The following TLN2 variants were observed in gnomAD, a reference collection of about 807,000 sequenced individuals.
TLN2 encodes talin-2.
Under a neutral mutation model 294.7 loss-of-function variants are expected in TLN2, and 118 were observed. That is an observed-to-expected ratio of 0.40 (90% CI 0.34 to 0.47). The LOEUF (loss-of-function observed/expected upper bound fraction) is 0.47, where lower values mean the gene tolerates loss of function less well. Among genes scored for constraint, TLN2 ranks in the 20% least tolerant of loss-of-function variants. TLN2 has a pLI of 0.84. For missense variants in TLN2, 3,083 were observed against 3,282.2 expected (o/e 0.94, Z 1.48); for synonymous variants, 1,431 against 1,304.5 (o/e 1.10, Z -2.09).
chr15:62,597,154 T>C (rs76436616), intron 2 of TLN2, among the ~76,000 whole-genome samples: 10,205 of 152,196 alleles, frequency 0.067, 478 homozygotes, highest in East Asian at 0.16. Flanking sequence ...TTCTGTCTCC[T>C]AGATACACTA....
chr15:62,533,303 A>G (rs1369800024), intron 1 of TLN2, among the ~76,000 whole-genome samples: 1 of 147,984 alleles, frequency 6.8e-6, no homozygotes, highest in African/African-American at 2.5e-5. Flanking sequence ...CAGGAATGGG[A>G]TCATCTTCAG....
At chr15:62,575,571 C>G (rs1319031196) in intron 1 of TLN2, among the ~76,000 whole-genome samples, 4 of 151,546 alleles carry the variant, frequency 2.6e-5, no homozygotes, top group Non-Finnish European at 5.9e-5. Flanking sequence ...GGAGGTTTTA[C>G]TTAATTCATC....
intron 54 of TLN2, 94 bp from the exon 55 acceptor site, chr15:62,833,410 G>A (rs2069088246): frequency 1.3e-6 from 2 of 1,530,648 alleles, no homozygotes; most frequent in East Asian, 2.3e-5. Flanking sequence ...CAATAGGCAG[G>A]TGAAGAGCCA....
At chr15:62,802,957 A>T (rs1441709505) in intron 50 of TLN2, among the ~76,000 whole-genome samples, 2 of 152,100 alleles carry the variant, frequency 1.3e-5, no homozygotes, top group Non-Finnish European at 2.9e-5. Context: ...AGCTCCTTAC[A>T]TAGGCTAGTT....
At chr15:62,421,175 C>T (rs560115829) in intron 1 of TLN2, among the ~76,000 whole-genome samples, 2 of 152,196 alleles carry the variant, frequency 1.3e-5, no homozygotes, top group Admixed American at 6.5e-5. Context: ...ATCTTGTTAC[C>T]GGTCCACGAG....
intron 32 of TLN2, among the ~76,000 whole-genome samples, chr15:62,746,140 T>C (rs1287309331): frequency 6.8e-6 from 1 of 147,202 alleles, no homozygotes; most frequent in African/African-American, 2.5e-5. Flanking sequence ...AAGAAACTTT[T>C]ATATAGCAAC....
intron 1 of TLN2, among the ~76,000 whole-genome samples, chr15:62,499,682 A>G (rs1595946730): frequency 6.6e-6 from 1 of 151,362 alleles, no homozygotes; most frequent in Admixed American, 6.6e-5. Context: ...GCTCACCGCA[A>G]CCTCCACCTC....
rs57521480 is a variant in TLN2, at chr15:62,411,533, AT to A, written c.-238+20857del. Among the ~76,000 whole-genome samples, 494 of 147,832 alleles carry A rather than the reference AT, an allele frequency of 3.3e-3. 4 individuals are homozygous for A. The highest frequency in any genetic ancestry group is 0.011 in the African/African-American group (453 of 39,948). On this transcript the variant is annotated intron_variant, in intron 1 of 58. Transcript: ENST00000636159. ...CAACCTCAGGATAGAAGTTTGATAT[AT>A]TTTTTTTTCTTTTGGGTCATCTTAA...
intron 45 of TLN2, chr15:62,784,800 T>C (rs1302476103): frequency 6.6e-6 from 1 of 152,242 alleles, no homozygotes; most frequent in Non-Finnish European, 1.5e-5. Context: ...GCGCAAACCA[T>C]GTTCGAGACG....
In TLN2 at chr15:62,489,319, C is replaced by T. The variant is rs533068706; in HGVS notation, c.-238+98634C>T. On this transcript the variant is annotated intron_variant, in intron 1 of 58. Transcript: ENST00000636159. The stretch of plus-strand genomic sequence containing the variant: ...AATCTGTGAAAAACCAAACAGGTTA[C>T]ACAACAAACTCAGGTGCAACTTCTC... 3.3e-5 allele frequency among the ~76,000 whole-genome samples: 5 copies of T among 152,334 alleles called. No individual in the cohort carries two copies. The South Asian group carries it at 8.3e-4, about 25-fold the overall frequency.
chr15:62,697,259 C>T (rs951711308), intron 14 of TLN2, among the ~76,000 whole-genome samples: 1 of 151,934 alleles, frequency 6.6e-6, no homozygotes. Context: ...AGGCATGTAC[C>T]ACCACTCGGG....
At chr15:62,768,124 G>A (rs1418289281) in intron 41 of TLN2, among the ~76,000 whole-genome samples, 1 of 152,134 alleles carries the variant, frequency 6.6e-6, no homozygotes, top group African/African-American at 2.4e-5. Flanking sequence ...CTCGTGTGGG[G>A]CCCCAGATCA....
chr15:62,620,381 A>G (rs1426535557), intron 3 of TLN2, among the ~76,000 whole-genome samples: 5 of 152,052 alleles, frequency 3.3e-5, no homozygotes. Context: ...TCCGTGAAAA[A>G]CTTAATCTGA....
chr15:62,489,795 TG>T (rs2038608503), intron 1 of TLN2, among the ~76,000 whole-genome samples: 1 of 152,224 alleles, frequency 6.6e-6, no homozygotes, highest in Non-Finnish European at 1.5e-5. Context: ...TGCCATATTG[TG>T]AAGGTGCTTC....
chr15:62,790,920 T>C (rs1358030105), intron 45 of TLN2, among the ~76,000 whole-genome samples: 1 of 152,240 alleles, frequency 6.6e-6, no homozygotes, highest in African/African-American at 2.4e-5. Flanking sequence ...CCAGAGGTGC[T>C]GCTGCTGTTG....
intron 8 of TLN2, 127 bp downstream of exon 8, chr15:62,656,213 T>C: frequency 8.5e-7 from 1 of 1,182,370 alleles, no homozygotes; most frequent in Non-Finnish European, 1.2e-6. Context: ...CAGCAGGCGC[T>C]GCTCGTGGGT....
chr15:62,724,359 C>G (rs963184361), intron 26 of TLN2, among the ~76,000 whole-genome samples: 5 of 152,014 alleles, frequency 3.3e-5, no homozygotes, highest in African/African-American at 1.2e-4. Context: ...GTATACTGAT[C>G]AATAATTACA....
intron 1 of TLN2, among the ~76,000 whole-genome samples, chr15:62,486,467 T>G (rs2038408139): frequency 2.0e-5 from 3 of 151,218 alleles, no homozygotes; most frequent in Non-Finnish European, 3.0e-5. Flanking sequence ...TTTTTTTTTT[T>G]TTTTTTTTGC....
At chr15:62,706,892 A>G (rs913671478) in intron 19 of TLN2, among the ~76,000 whole-genome samples, 194 bp from the exon 20 acceptor site, 1 of 152,256 alleles carries the variant, frequency 6.6e-6, no homozygotes, top group Non-Finnish European at 1.5e-5. Flanking sequence ...TGGATGTAAG[A>G]GACTGAGTTA....
Sources: allele counts gnomAD v4.1 joint callset (sites outside exome capture counted in the v4.1 genomes callset), GRCh38; gene constraint gnomAD v4.1.1; transcripts MANE v1.5; gene names NCBI Gene and HGNC (gene_info 2026-07-23, HGNC 2026-07-21).